The following IMMP2L variants were observed in gnomAD, a reference collection of about 807,000 sequenced individuals.
IMMP2L encodes mitochondrial inner membrane protease subunit 2.
IMMP2L carries 18 observed loss-of-function variants against 19.3 expected under a neutral mutation model. That is an observed-to-expected ratio of 0.93 (90% CI 0.64 to 1.38). The LOEUF is 1.38. Among genes scored for constraint, IMMP2L ranks in the 40% most tolerant of loss-of-function variants. IMMP2L has a pLI of 0.00. For missense variants in IMMP2L, 233 were observed against 218.2 expected (o/e 1.07, Z -0.43); for synonymous variants, 76 against 73.0 (o/e 1.04, Z -0.21).
At chr7:111,556,325 A>G (rs1791357750) in intron 1 of IMMP2L, among the ~76,000 whole-genome samples, 1 of 152,022 alleles carries the variant, frequency 6.6e-6, no homozygotes, top group Non-Finnish European at 1.5e-5. Flanking sequence ...ACACACAAAA[A>G]TGGATAACTA....
chr7:110,723,750 A>C (rs1450787193), intron 5 of IMMP2L, among the ~76,000 whole-genome samples: 2 of 152,144 alleles, frequency 1.3e-5, no homozygotes, highest in African/African-American at 2.4e-5. Flanking sequence ...ATTAGAAAAC[A>C]GAGGTAATGA....
intron 3 of IMMP2L, among the ~76,000 whole-genome samples, chr7:111,408,032 A>C (rs1334332094): frequency 2.0e-5 from 3 of 152,014 alleles, no homozygotes; most frequent in Non-Finnish European, 4.4e-5. Context: ...AGGCATGGGA[A>C]AATTAAATAG....
chr7:110,705,694 G>C, intron 5 of IMMP2L, among the ~76,000 whole-genome samples: 1 of 151,978 alleles, frequency 6.6e-6, no homozygotes, highest in East Asian at 1.9e-4. Flanking sequence ...AACACTATCT[G>C]GGTGCATAGT....
chr7:110,833,354 G>C (rs1375769656), intron 5 of IMMP2L, among the ~76,000 whole-genome samples: 1 of 149,728 alleles, frequency 6.7e-6, no homozygotes, highest in African/African-American at 2.5e-5. Flanking sequence ...CAGGAGAATC[G>C]CTTGAACCTG....
intron 3 of IMMP2L, among the ~76,000 whole-genome samples, chr7:111,038,968 A>T (rs1436829870): frequency 6.6e-6 from 1 of 152,178 alleles, no homozygotes; most frequent in Non-Finnish European, 1.5e-5. Context: ...ATATATTTCT[A>T]AGCCTTGGAA....
chr7:111,167,667 A>G (rs953608045), intron 3 of IMMP2L, among the ~76,000 whole-genome samples: 7 of 151,956 alleles, frequency 4.6e-5, no homozygotes, highest in Non-Finnish European at 8.8e-5. Flanking sequence ...AATATAAGGG[A>G]GAATCAAGTA....
chr7:111,014,429 C>T (rs1310186481), intron 3 of IMMP2L, among the ~76,000 whole-genome samples: 1 of 151,916 alleles, frequency 6.6e-6, no homozygotes, highest in African/African-American at 2.4e-5. Context: ...GTACAAATTA[C>T]ATTTTAAATG....
intron 5 of IMMP2L, among the ~76,000 whole-genome samples, chr7:110,684,575 G>A (rs956195767): frequency 1.3e-5 from 2 of 151,978 alleles, no homozygotes; most frequent in African/African-American, 2.4e-5. Flanking sequence ...AGATGAGGTT[G>A]ACTGTTAAAA....
rs144175208 is a variant in IMMP2L at position 111,544,732 on chromosome 7, A to C, written c.-3+17119T>G. ...CAGAGCAGCAAAATAAGGTGAGAGA[A>C]AAGCAGCTGAGAAGGGGAGGTTTAC... On this transcript the variant is annotated intron_variant, in intron 1 of 5. Transcript: ENST00000405709. 2.3e-3 allele frequency among the ~76,000 whole-genome samples: 356 copies of C among 152,234 alleles called. 2 individuals are homozygous for C. Among genetic ancestry groups the C allele is most frequent in the South Asian group, 0.022 (107 of 4,808 alleles).
chr7:111,439,751 A>G (rs1837536139), intron 3 of IMMP2L, among the ~76,000 whole-genome samples: 1 of 151,840 alleles, frequency 6.6e-6, no homozygotes, highest in African/African-American at 2.4e-5. Flanking sequence ...TGCTGCATCA[A>G]TTGGCTCTTC....
chr7:111,359,451 G>A (rs1043792225), intron 3 of IMMP2L, among the ~76,000 whole-genome samples: 6 of 151,980 alleles, frequency 3.9e-5, no homozygotes, highest in Non-Finnish European at 5.9e-5. Flanking sequence ...ATAGGCACCC[G>A]CCACCACTCC....
chr7:111,172,118 A>C (rs1289232880), intron 3 of IMMP2L, among the ~76,000 whole-genome samples: 4 of 151,522 alleles, frequency 2.6e-5, no homozygotes, highest in African/African-American at 7.3e-5. Flanking sequence ...TACATTGTGA[A>C]GATAAATAAA....
chr7:111,340,429 A>T (rs1826895723), intron 3 of IMMP2L, among the ~76,000 whole-genome samples: 1 of 152,090 alleles, frequency 6.6e-6, no homozygotes, highest in African/African-American at 2.4e-5. Context: ...TTCTTTAAGA[A>T]TTAAGACTGT....
At chr7:111,557,629 C>T (rs779723588) in intron 1 of IMMP2L, among the ~76,000 whole-genome samples, 1 of 152,136 alleles carries the variant, frequency 6.6e-6, no homozygotes, top group Non-Finnish European at 1.5e-5. Flanking sequence ...AGAGCTCTTG[C>T]TAGATTTCAT....
rs549849762 is a variant in IMMP2L at position 111,308,885 on chromosome 7, A to C, written c.239+178353T>G. ...AAAGATTACACAAGTACCATGTGCC[A>C]CCTTAAATAAGGAAAGGGAAAAAAG... On this transcript the variant is annotated intron_variant, in intron 3 of 5. Transcript: ENST00000405709. Among the ~76,000 whole-genome samples, 5 of 152,204 alleles carry C rather than the reference A, an allele frequency of 3.3e-5. No individual in the cohort carries two copies. The South Asian group carries it at 1.0e-3, about 32-fold the overall frequency.
At chr7:111,547,505 A>ACCCCCCCC (rs36099268) in intron 1 of IMMP2L, among the ~76,000 whole-genome samples, 1 of 135,822 alleles carries the variant, frequency 7.4e-6, no homozygotes, top group African/African-American at 2.8e-5. Flanking sequence ...AAACTGTCAT[A>ACCCCCCCC]CCCCCCCCCC....
At chr7:110,759,064 TA>T (rs1562959291) in intron 5 of IMMP2L, among the ~76,000 whole-genome samples, 1 of 152,138 alleles carries the variant, frequency 6.6e-6, no homozygotes, top group African/African-American at 2.4e-5. Flanking sequence ...AACTGTTTTG[TA>T]TAAATGCACG....
chr7:110,935,831 G>A (rs903135744), intron 4 of IMMP2L, among the ~76,000 whole-genome samples: 5 of 152,094 alleles, frequency 3.3e-5, no homozygotes, highest in Non-Finnish European at 5.9e-5. Context: ...AAACAGCATG[G>A]TACTGGTACC....
chr7:110,745,585 G>C (rs939340882), intron 5 of IMMP2L, among the ~76,000 whole-genome samples: 4 of 152,108 alleles, frequency 2.6e-5, no homozygotes, highest in Non-Finnish European at 5.9e-5. Context: ...GAAGAGAGTG[G>C]GGGCCAATAT....
Sources: gnomAD v4.1 joint callset for allele counts (sites outside exome capture counted in the v4.1 genomes callset) on GRCh38, gnomAD v4.1.1 for gene constraint, MANE v1.5 for transcripts, NCBI Gene and HGNC (gene_info 2026-07-23, HGNC 2026-07-21) for gene names.